Variants in PIK3C2G observed in about 807,000 individuals in gnomAD.
The protein encoded by PIK3C2G is phosphatidylinositol-4-phosphate 3-kinase catalytic subunit type 2 gamma.
In PIK3C2G, 168 loss-of-function variants were observed where a neutral mutation model predicts 181.1. The ratio of observed to expected loss-of-function variants is 0.93; its 90% CI spans 0.82 to 1.05. The LOEUF (loss-of-function observed/expected upper bound fraction) is 1.05, where lower values mean the gene tolerates loss of function less well. PIK3C2G is among the 50% of genes least tolerant of loss of function. The pLI, the probability that PIK3C2G is intolerant of heterozygous loss-of-function variation, is 0.00. For missense variants in PIK3C2G, 1,869 were observed against 1,732.8 expected (o/e 1.08, Z -1.40); for synonymous variants, 573 against 592.2 (o/e 0.97, Z 0.47).
At chr12:18,303,717 A>G (rs1950306026) in intron 5 of PIK3C2G, among the ~76,000 whole-genome samples, 1 of 152,200 alleles carries the variant, frequency 6.6e-6, no homozygotes. Flanking sequence ...ATGTAAAACA[A>G]TAAAATTTAC....
the PIK3C2G span, among the ~76,000 whole-genome samples, chr12:18,703,712 C>T: frequency 1.3e-5 from 2 of 152,132 alleles, no homozygotes; most frequent in Non-Finnish European, 2.9e-5. Flanking sequence ...TCTGTTTTTG[C>T]CTGTATAAAA....
chr12:18,550,834 T>A (rs1366383626), intron 26 of PIK3C2G, among the ~76,000 whole-genome samples: 1 of 152,048 alleles, frequency 6.6e-6, no homozygotes, highest in African/African-American at 2.4e-5. Context: ...ACATAACATA[T>A]GTGGCTACTT....
At chr12:18,695,081 T>C in the PIK3C2G span, 2 of 1,611,822 alleles carry the variant, frequency 1.2e-6, no homozygotes, top group Non-Finnish European at 1.7e-6. Context: ...TTAAAGCCAC[T>C]GTAAGAAAGA....
intron 8 of PIK3C2G, among the ~76,000 whole-genome samples, chr12:18,330,557 T>C (rs1174445764): frequency 1.3e-5 from 2 of 152,204 alleles, no homozygotes; most frequent in African/African-American, 4.8e-5. Context: ...GCCGAATTAC[T>C]TTTCATGGAA....
At chr12:18,478,754 C>T (rs920832240) in intron 18 of PIK3C2G, among the ~76,000 whole-genome samples, 7 of 152,046 alleles carry the variant, frequency 4.6e-5, no homozygotes, top group African/African-American at 1.2e-4. Flanking sequence ...AAGGCCAGAT[C>T]GCTTGAGCCC....
At chr12:18,695,204 A>T in the PIK3C2G span, 1 of 920,818 alleles carries the variant, frequency 1.1e-6, no homozygotes, top group South Asian at 1.5e-5. Context: ...AAGTATCATT[A>T]GCCTAATAAT....
chr12:18,654,503 C>T, the PIK3C2G span, among the ~76,000 whole-genome samples: 975 of 152,194 alleles, frequency 6.4e-3, 9 homozygotes, highest in African/African-American at 0.023. Context: ...CGATTTCAGA[C>T]CGAAATCCCA....
the PIK3C2G span, among the ~76,000 whole-genome samples, chr12:18,710,083 AG>A: frequency 4.4e-4 from 67 of 151,262 alleles, no homozygotes; most frequent in African/African-American, 1.2e-3. Context: ...TTTTACATAC[AG>A]GATTATGTCA....
intron 25 of PIK3C2G, among the ~76,000 whole-genome samples, chr12:18,545,893 T>C (rs915529633): frequency 1.3e-5 from 2 of 151,978 alleles, no homozygotes; most frequent in Admixed American, 6.6e-5. Context: ...TTTTGTGTAA[T>C]ATTTTGTAAT....
chr12:18,572,560 T>C (rs1327428358), intron 29 of PIK3C2G, among the ~76,000 whole-genome samples: 1 of 151,726 alleles, frequency 6.6e-6, no homozygotes, highest in African/African-American at 2.4e-5. Flanking sequence ...TCTACTCAGA[T>C]GTAATGTTGT....
At chr12:18,597,222 A>G (rs1488513811) in intron 30 of PIK3C2G, among the ~76,000 whole-genome samples, 1 of 152,024 alleles carries the variant, frequency 6.6e-6, no homozygotes, top group African/African-American at 2.4e-5. Context: ...ATTGGGTGGT[A>G]GATGAAATAG....
the PIK3C2G span, chr12:18,719,641 AT>A: frequency 1.3e-3 from 1,985 of 1,554,124 alleles, 18 homozygotes; most frequent in African/African-American, 0.024. Flanking sequence ...AACTAAAAAA[AT>A]AAAATAAAAT....
At chr12:18,307,148 A>G (rs1278484325) in intron 5 of PIK3C2G, among the ~76,000 whole-genome samples, 1 of 150,100 alleles carries the variant, frequency 6.7e-6, no homozygotes, top group South Asian at 2.1e-4. Flanking sequence ...ATCTCTCTTT[A>G]TATAAACATA....
intron 1 of PIK3C2G, among the ~76,000 whole-genome samples, chr12:18,270,673 G>A (rs1276072411): frequency 6.6e-6 from 1 of 151,924 alleles, no homozygotes; most frequent in Admixed American, 6.6e-5. Context: ...AGTCTATTGT[G>A]GGTACTTTAT....
intron 29 of PIK3C2G, among the ~76,000 whole-genome samples, chr12:18,582,679 G>A (rs1198870875): frequency 2.6e-5 from 4 of 152,116 alleles, no homozygotes; most frequent in Non-Finnish European, 1.5e-5. Context: ...CAGTCACTAC[G>A]GTAGCAGCAT....
chr12:18,676,044 T>A, the PIK3C2G span, among the ~76,000 whole-genome samples: 1 of 151,944 alleles, frequency 6.6e-6, no homozygotes, highest in African/African-American at 2.4e-5. Flanking sequence ...GGAAAAAAAA[T>A]TATACCATCA....
At chr12:18,447,308 T>C (rs376897228) in intron 18 of PIK3C2G, among the ~76,000 whole-genome samples, 4 of 152,198 alleles carry the variant, frequency 2.6e-5, no homozygotes, top group African/African-American at 9.7e-5. Flanking sequence ...ACAAGACTTT[T>C]TAATAAATAG....
intron 31 of PIK3C2G, among the ~76,000 whole-genome samples, chr12:18,637,185 C>G (rs1949640858): frequency 6.6e-6 from 1 of 152,040 alleles, no homozygotes; most frequent in Non-Finnish European, 1.5e-5. Flanking sequence ...CCCTAGTGCA[C>G]AGTTTTCCTC....
chr12:18,436,914 AG>A (rs2135798619), intron 18 of PIK3C2G, among the ~76,000 whole-genome samples: 1 of 152,102 alleles, frequency 6.6e-6, no homozygotes, highest in East Asian at 1.9e-4. Context: ...TGAAAATGTA[AG>A]GCTGCATCTA....
Sources: allele counts gnomAD v4.1 joint callset (sites outside exome capture counted in the v4.1 genomes callset), GRCh38; gene constraint gnomAD v4.1.1; transcripts MANE v1.5; gene names NCBI Gene and HGNC (gene_info 2026-07-23, HGNC 2026-07-21).